SGCZ: variants seen among roughly 807,000 people sequenced by gnomAD.
The protein encoded by SGCZ is zeta-sarcoglycan.
Under a neutral mutation model 41.3 loss-of-function variants are expected in SGCZ, and 40 were observed. That is an observed-to-expected ratio of 0.97 (90% CI 0.75 to 1.26). The LOEUF is 1.26. Among genes scored for constraint, SGCZ ranks in the 50% most tolerant of loss-of-function variants. The probability of loss-of-function intolerance (pLI) is 0.00; values close to 1 mark genes in which losing one functional copy is unlikely to be tolerated. For synonymous variants in SGCZ, 206 were observed against 137.5 expected (o/e 1.50, Z -3.49); for missense variants, 552 against 369.8 (o/e 1.49, Z -4.04).
chr8:14,618,356 G>A lies in SGCZ; in HGVS notation c.40-63430C>T, dbSNP rs1442271945. On this transcript the variant is annotated intron_variant, in intron 1 of 7. Coordinates refer to ENST00000382080, the MANE Select transcript of SGCZ (RefSeq NM_139167.4). ...TTACTCAAGGCAAGCCCTGTAGAAA[G>A]AACGGAATTAGAACTGGGACTCAAA... is the stretch of plus-strand genomic sequence containing the variant. 2.6e-5 allele frequency among the ~76,000 whole-genome samples: 4 copies of A among 152,126 alleles called. No homozygotes were observed. The East Asian group carries it at 7.7e-4, about 29-fold the overall frequency.
At chr8:14,679,417 A>C (rs1394651177) in intron 1 of SGCZ, among the ~76,000 whole-genome samples, 3 of 151,916 alleles carry the variant, frequency 2.0e-5, no homozygotes, top group Admixed American at 6.6e-5. Context: ...AGACAGTGAC[A>C]TTGATGATCC....
chr8:14,097,395 T>A (rs2116967824), intron 7 of SGCZ, among the ~76,000 whole-genome samples: 1 of 152,278 alleles, frequency 6.6e-6, no homozygotes, highest in African/African-American at 2.4e-5. Flanking sequence ...TTCCATATGG[T>A]TGTGTGATTT....
chr8:14,868,403 C>G (rs1804013398), intron 1 of SGCZ, among the ~76,000 whole-genome samples: 1 of 152,044 alleles, frequency 6.6e-6, no homozygotes. Flanking sequence ...CATTGCTGAC[C>G]AAAATTCTGT....
chr8:15,223,084 C>T (rs1297994989), intron 1 of SGCZ, among the ~76,000 whole-genome samples: 1 of 152,096 alleles, frequency 6.6e-6, no homozygotes, highest in East Asian at 1.9e-4. Flanking sequence ...AAATGGGCTG[C>T]TTTCTATTTT....
At chr8:14,670,435 G>A (rs1365803209) in intron 1 of SGCZ, among the ~76,000 whole-genome samples, 1 of 152,086 alleles carries the variant, frequency 6.6e-6, no homozygotes, top group Non-Finnish European at 1.5e-5. Flanking sequence ...TATGTTTCAA[G>A]GTGCCTGGAA....
intron 1 of SGCZ, among the ~76,000 whole-genome samples, chr8:14,831,512 G>T (rs988046804): frequency 6.6e-6 from 1 of 152,042 alleles, no homozygotes; most frequent in African/African-American, 2.4e-5. Flanking sequence ...TTGAACTTCA[G>T]TCTACTACTT....
intron 1 of SGCZ, among the ~76,000 whole-genome samples, chr8:14,615,454 G>C (rs2117352740): frequency 6.6e-6 from 1 of 152,232 alleles, no homozygotes; most frequent in Non-Finnish European, 1.5e-5. Context: ...TCTGAGTACT[G>C]CCTGATTCAT....
chr8:15,174,244 T>C (rs1005777681), intron 1 of SGCZ, among the ~76,000 whole-genome samples: 2 of 152,266 alleles, frequency 1.3e-5, no homozygotes, highest in East Asian at 1.9e-4. Flanking sequence ...TCATGTAGGG[T>C]AGGTGATGTA....
At chr8:15,230,736 G>C (rs1427905260) in intron 1 of SGCZ, among the ~76,000 whole-genome samples, 1 of 152,128 alleles carries the variant, frequency 6.6e-6, no homozygotes, top group African/African-American at 2.4e-5. Flanking sequence ...AGAGGCCAAA[G>C]GCAAGTATGG....
intron 3 of SGCZ, among the ~76,000 whole-genome samples, chr8:14,296,752 TTTAC>T (rs1801025747): frequency 6.6e-6 from 1 of 152,058 alleles, no homozygotes. Context: ...ACTAAGGCTA[TTTAC>T]TTAATCTAAA....
intron 5 of SGCZ, among the ~76,000 whole-genome samples, chr8:14,152,843 A>G (rs557629653): frequency 6.6e-6 from 1 of 152,220 alleles, no homozygotes; most frequent in Non-Finnish European, 1.5e-5. Flanking sequence ...TACCAATTAG[A>G]AATAAGAATG....
intron 5 of SGCZ, among the ~76,000 whole-genome samples, chr8:14,153,989 G>T (rs1044378859): frequency 1.4e-4 from 21 of 151,858 alleles, no homozygotes; most frequent in Non-Finnish European, 2.6e-4. Context: ...CAACAAGGCA[G>T]CTGTCTGCAA....
intron 1 of SGCZ, among the ~76,000 whole-genome samples, chr8:15,013,447 C>T (rs2130930108): frequency 6.6e-6 from 1 of 152,256 alleles, no homozygotes; most frequent in African/African-American, 2.4e-5. Flanking sequence ...AATATATGGC[C>T]ACAAATAGTT....
chr8:14,196,249 A>C (rs1188117394), intron 4 of SGCZ, among the ~76,000 whole-genome samples: 1 of 145,068 alleles, frequency 6.9e-6, no homozygotes, highest in Non-Finnish European at 1.5e-5. Flanking sequence ...ATAAAATACT[A>C]AATTAATTAG....
chr8:14,831,632 A>G (rs7832055), intron 1 of SGCZ, among the ~76,000 whole-genome samples: 49,142 of 150,734 alleles, frequency 0.33, 9,795 homozygotes, highest in East Asian at 0.61. Context: ...ATAGACACAT[A>G]TGTGTGTGTG....
chr8:14,739,382 T>A (rs916778611), intron 1 of SGCZ, among the ~76,000 whole-genome samples: 17 of 152,102 alleles, frequency 1.1e-4, no homozygotes, highest in African/African-American at 4.1e-4. Flanking sequence ...GAAATAAAAT[T>A]GGAATCCATT....
intron 3 of SGCZ, among the ~76,000 whole-genome samples, chr8:14,285,835 A>G (rs1482701038): frequency 1.3e-5 from 2 of 152,210 alleles, no homozygotes; most frequent in African/African-American, 4.8e-5. Context: ...TTATACTGCA[A>G]CCTTCAGGGG....
intron 2 of SGCZ, among the ~76,000 whole-genome samples, chr8:14,485,105 A>T (rs1801637309): frequency 1.3e-5 from 2 of 152,194 alleles, no homozygotes; most frequent in Admixed American, 1.3e-4. Flanking sequence ...CTACTAATTT[A>T]TGCAGAATTT....
In SGCZ at chr8:14,251,133, C is replaced by T. The variant is rs532502954; in HGVS notation, c.337-13454G>A. Among the ~76,000 whole-genome samples the T allele has an allele frequency of 4.6e-5, 7 of 152,144 alleles. No homozygotes were observed. The South Asian group carries it at 1.2e-3, about 27-fold the overall frequency. ...ATCCCAGCTACTCGGGAGGCCAAGG[C>T]AAGAGAATTGCTTGAACTCGGGAGG... On this transcript the variant is annotated intron_variant, in intron 3 of 7. Coordinates refer to ENST00000382080, the MANE Select transcript of SGCZ (RefSeq NM_139167.4).
Sources: allele counts gnomAD v4.1 joint callset (sites outside exome capture counted in the v4.1 genomes callset), GRCh38; gene constraint gnomAD v4.1.1; transcripts MANE v1.5; gene names NCBI Gene and HGNC (gene_info 2026-07-23, HGNC 2026-07-21).